FNDC3A: variants seen among roughly 807,000 people sequenced by gnomAD.
FNDC3A encodes fibronectin type-III domain-containing protein 3A.
In FNDC3A, 32 loss-of-function variants were observed where a neutral mutation model predicts 148.9. The observed-to-expected ratio is 0.21, with a 90% CI of 0.16 to 0.29. The LOEUF (loss-of-function observed/expected upper bound fraction) is 0.29. Among genes scored for constraint, FNDC3A ranks in the 10% least tolerant of loss-of-function variants. FNDC3A has a pLI of 1.00. For missense variants in FNDC3A, 1,191 were observed against 1,452.8 expected, an observed-to-expected ratio of 0.82 and a Z score of 2.93; for synonymous variants, 472 against 473.6, an observed-to-expected ratio of 1.00 and a Z score of 0.04.
chr13:49,189,791 GCTTT>G (rs1156801110), intron 17 of FNDC3A, among the ~76,000 whole-genome samples: 2 of 152,126 alleles, frequency 1.3e-5, no homozygotes, highest in Non-Finnish European at 1.5e-5. Flanking sequence ...TACATAGATA[GCTTT>G]CTGATAAAAA....
intron 7 of FNDC3A, among the ~76,000 whole-genome samples, chr13:49,141,131 G>C (rs1882668649): frequency 6.6e-6 from 1 of 152,198 alleles, no homozygotes; most frequent in African/African-American, 2.4e-5. Flanking sequence ...GTACTTAGGA[G>C]TTGAGTGACC....
rs145528787 is a variant in FNDC3A at position 49,178,553 on chromosome 13, T to G, written c.1531-15T>G. On this transcript the variant is annotated splice_polypyrimidine_tract_variant and intron_variant, in intron 13 of 25. Coordinates refer to ENST00000492622, the MANE Select transcript of FNDC3A (RefSeq NM_001079673.2). ...GTTAGACATCGAATGAAGACTTTGT[T>G]TTTTCCTTTTCCAGGGATATGGTTT... 125 of 1,533,016 alleles carry G rather than the reference T, an allele frequency of 8.2e-5. No homozygotes were observed. The African/African-American group carries it at 1.5e-3, about 19-fold the overall frequency. The allele number at this position is 1,533,016 out of a possible 1,614,324, so 95.0% of individuals were successfully genotyped here.
intron 12 of FNDC3A, 117 bp downstream of exon 12, chr13:49,174,676 G>T: frequency 2.2e-6 from 2 of 889,612 alleles, no homozygotes; most frequent in Middle Eastern, 3.6e-4. Context: ...TTATCTCTTT[G>T]TTGATATAGT....
At chr13:48,991,020 G>T (rs1951905758) in intron 1 of FNDC3A, among the ~76,000 whole-genome samples, 1 of 152,174 alleles carries the variant, frequency 6.6e-6, no homozygotes, top group South Asian at 2.1e-4. Context: ...TCAAAATGAA[G>T]CAGATGAAGA....
chr13:48,979,579 A>G (rs779432181), intron 1 of FNDC3A, among the ~76,000 whole-genome samples: 1 of 152,146 alleles, frequency 6.6e-6, no homozygotes, highest in Non-Finnish European at 1.5e-5. Context: ...CCAGGGCATC[A>G]GAAGAGGAAA....
chr13:49,202,118 A>C (rs950719712), intron 24 of FNDC3A, 152 bp downstream of exon 24: 8 of 468,944 alleles, frequency 1.7e-5, no homozygotes, highest in Non-Finnish European at 2.2e-5. Flanking sequence ...CTCTACTGAG[A>C]GTTCCACTCA....
At chr13:49,086,407 A>G (rs535397490) in intron 3 of FNDC3A, among the ~76,000 whole-genome samples, 1 of 152,288 alleles carries the variant, frequency 6.6e-6, no homozygotes, top group East Asian at 1.9e-4. Context: ...TTTAGATTCT[A>G]CAAGTTTCTA....
Position 49,164,822 on chromosome 13 carries a change from G to T in FNDC3A, c.978-2422G>T, listed in dbSNP as rs551477770. Among the ~76,000 whole-genome samples, 3 of 152,264 alleles carry T rather than the reference G, an allele frequency of 2.0e-5. No individual in the cohort carries two copies. In the South Asian group the frequency reaches 6.2e-4, roughly 32 times the overall value. On this transcript the variant is annotated intron_variant, in intron 8 of 25. Transcript: ENST00000492622. Reference sequence around the variant, plus strand: ...AATGGAGTTTCGCCTTGTTGGGCAGGCTGGTCTTGAACTCCTGAGGTGATC... The same window carrying T: ...AATGGAGTTTCGCCTTGTTGGGCAGTCTGGTCTTGAACTCCTGAGGTGATC...
chr13:49,062,329 TG>T (rs1876955990), intron 2 of FNDC3A, among the ~76,000 whole-genome samples: 1 of 152,140 alleles, frequency 6.6e-6, no homozygotes, highest in Non-Finnish European at 1.5e-5. Context: ...TCAAAATAAG[TG>T]GGGGTAAAGA....
chr13:49,087,027 G>A (rs1878857912), intron 3 of FNDC3A, among the ~76,000 whole-genome samples: 2 of 152,046 alleles, frequency 1.3e-5, no homozygotes, highest in African/African-American at 4.8e-5. Flanking sequence ...AAGAGAAAGT[G>A]TGTTATATAA....
chr13:49,151,907 C>G (rs560353297), intron 8 of FNDC3A, among the ~76,000 whole-genome samples: 1 of 152,310 alleles, frequency 6.6e-6, no homozygotes, highest in South Asian at 2.1e-4. Context: ...AGGATATGAA[C>G]TCATCCTTTT....
At chr13:49,056,845 T>G (rs988177956) in intron 2 of FNDC3A, among the ~76,000 whole-genome samples, 3 of 152,194 alleles carry the variant, frequency 2.0e-5, no homozygotes, top group Admixed American at 1.3e-4. Context: ...TTTAGACATT[T>G]TTAAACATTT....
chr13:49,017,649 G>T (rs1277033038), intron 2 of FNDC3A, among the ~76,000 whole-genome samples: 3 of 151,442 alleles, frequency 2.0e-5, no homozygotes, highest in Admixed American at 2.0e-4. Flanking sequence ...TCATTATGAT[G>T]TTAGCTGGTT....
chr13:49,113,245 T>G (rs953927825), intron 3 of FNDC3A, among the ~76,000 whole-genome samples: 1 of 151,492 alleles, frequency 6.6e-6, no homozygotes, highest in Non-Finnish European at 1.5e-5. Context: ...CTTTCTCCTC[T>G]CCTTGCTTGC....
intron 8 of FNDC3A, among the ~76,000 whole-genome samples, chr13:49,159,604 A>C (rs992990481): frequency 6.6e-6 from 1 of 152,108 alleles, no homozygotes; most frequent in Admixed American, 6.6e-5. Flanking sequence ...ACTGAATACC[A>C]TTTATTTCTT....
intron 3 of FNDC3A, among the ~76,000 whole-genome samples, chr13:49,098,102 A>T (rs1337671625): frequency 6.6e-6 from 1 of 152,154 alleles, no homozygotes; most frequent in Non-Finnish European, 1.5e-5. Flanking sequence ...ACCTTAAAGC[A>T]CAGAAGCTGT....
At chr13:49,097,749 C>T (rs760825484) in intron 3 of FNDC3A, among the ~76,000 whole-genome samples, 7 of 152,014 alleles carry the variant, frequency 4.6e-5, no homozygotes, top group East Asian at 1.9e-4. Flanking sequence ...TAATATATTT[C>T]GAAACCTTAT....
In FNDC3A at chr13:49,207,224, C is replaced by T. The variant is rs1423815429; in HGVS notation, c.3426C>T (p.Leu1142=). 1 of 1,614,172 alleles carries T rather than the reference C, an allele frequency of 6.2e-7. No individual in the cohort carries two copies. The highest frequency in any genetic ancestry group is 1.3e-5 in the African/African-American group (1 of 75,046). ...DLVGPYSTTV[L]FISQRTEPPA... is the part of the protein sequence containing the mutation. ...TAGGTCCCTACAGCACCACAGTGCTCTTCATCTCTCAGAGGACTGAACCAC... is the reference window on the plus strand; with the variant it reads ...TAGGTCCCTACAGCACCACAGTGCTTTTCATCTCTCAGAGGACTGAACCAC... The change falls in exon 26 of 26, where the codon CTC becomes CTT. Residue 1142 remains leucine (L), a synonymous_variant. Transcript: ENST00000492622.
At position 49,198,064 on chromosome 13, in the gene FNDC3A, G is replaced by A. The variant is rs1340759210; in HGVS notation, c.2573G>A (p.Cys858Tyr). The change falls in exon 22 of 26, where the codon TGT (cysteine) becomes TAT (tyrosine). Residue 858 changes from cysteine to tyrosine, a missense_variant. Cys to Tyr is a radical substitution (Grantham distance 194). Coordinates refer to ENST00000492622, the MANE Select transcript of FNDC3A (RefSeq NM_001079673.2). ...TPPSVPGIVT[C>Y]LQEISDDEIE... Reference sequence around the variant, plus strand: ...CCATCAGTTCCTGGCATTGTGACCTGTCTTCAAGAAATAAGCGATGATGAG... The same window carrying A: ...CCATCAGTTCCTGGCATTGTGACCTATCTTCAAGAAATAAGCGATGATGAG... 1.2e-6 allele frequency: 2 copies of A among 1,614,130 alleles called. No homozygotes were observed. The highest frequency in any genetic ancestry group is 1.7e-5 in the Admixed American group (1 of 60,016).
Sources: allele counts gnomAD v4.1 joint callset (sites outside exome capture counted in the v4.1 genomes callset), GRCh38; gene constraint gnomAD v4.1.1; transcripts MANE v1.5; gene names NCBI Gene and HGNC (gene_info 2026-07-23, HGNC 2026-07-21).